The following MAP2K5 variants were observed in gnomAD, a reference collection of about 807,000 sequenced individuals.
MAP2K5 encodes the protein mitogen-activated protein kinase kinase 5.
MAP2K5 carries 49 observed loss-of-function variants against 83.1 expected under a neutral mutation model. The observed-to-expected ratio is 0.59, with a 90% CI of 0.47 to 0.75. The LOEUF (loss-of-function observed/expected upper bound fraction) is 0.75. Ranked by LOEUF, MAP2K5 falls within the 30% of genes least tolerant of loss-of-function variation. MAP2K5 has a pLI of 0.00. For missense variants in MAP2K5, 457 were observed against 557.5 expected (o/e 0.82, Z 1.82); for synonymous variants, 202 against 191.8 (o/e 1.05, Z -0.44).
chr15:67,578,311 T>C (rs1462594560), intron 3 of MAP2K5, among the ~76,000 whole-genome samples: 2 of 152,154 alleles, frequency 1.3e-5, no homozygotes, highest in Non-Finnish European at 2.9e-5. Context: ...ATTTTATCCT[T>C]ATCCCATGGG....
chr15:67,664,498 G>A, intron 12 of MAP2K5, 99 bp from the exon 13 acceptor site: 1 of 721,330 alleles, frequency 1.4e-6, no homozygotes. Context: ...GTGACACCCT[G>A]TCTCAAAAAA....
chr15:67,586,892 C>CA lies in MAP2K5; in HGVS notation c.411dup (p.Asp138ArgfsTer7). ...TCTCAACACAGCAGCCCAGCAGTCT[C>CA]AGATTCACTTCCAAGCAATAGGTGC... On this transcript the variant is annotated frameshift_variant, in exon 6 of 22. Coordinates refer to ENST00000178640, the MANE Select transcript of MAP2K5 (RefSeq NM_145160.3). LOFTEE classifies it high-confidence loss of function. 6.2e-7 allele frequency: 1 copy of CA among 1,614,148 alleles called. No individual in the cohort carries two copies. Among genetic ancestry groups the CA allele is most frequent in the South Asian group, 1.1e-5 (1 of 91,084 alleles).
intron 13 of MAP2K5, among the ~76,000 whole-genome samples, chr15:67,686,131 A>G (rs1024430689): frequency 6.6e-6 from 1 of 152,224 alleles, no homozygotes. Context: ...TAGATGGTAG[A>G]GTTGAACCCA....
At chr15:67,622,473 T>C (rs1446171692) in intron 8 of MAP2K5, among the ~76,000 whole-genome samples, 1 of 152,106 alleles carries the variant, frequency 6.6e-6, no homozygotes, top group Non-Finnish European at 1.5e-5. Flanking sequence ...GAAATGGAGA[T>C]GAGTATAATA....
chr15:67,643,245 T>C (rs1384397033), intron 9 of MAP2K5, among the ~76,000 whole-genome samples: 1 of 152,218 alleles, frequency 6.6e-6, no homozygotes, highest in Admixed American at 6.5e-5. Flanking sequence ...ATAGTAGGAA[T>C]AGCTGTAGTA....
intron 8 of MAP2K5, chr15:67,629,079 G>A: frequency 1.4e-6 from 1 of 737,752 alleles, no homozygotes; most frequent in Admixed American, 1.7e-5. Flanking sequence ...ATGAAACCAA[G>A]GTGGCCATGG....
At chr15:67,712,324 AG>A (rs1367093805) in intron 16 of MAP2K5, among the ~76,000 whole-genome samples, 2 of 152,228 alleles carry the variant, frequency 1.3e-5, no homozygotes, top group Admixed American at 6.5e-5. Flanking sequence ...TCATGCTCCC[AG>A]GAGAGCCCTT....
chr15:67,627,535 A>G (rs963956865), intron 8 of MAP2K5, among the ~76,000 whole-genome samples: 10 of 152,232 alleles, frequency 6.6e-5, no homozygotes, highest in African/African-American at 2.4e-4. Context: ...TTGGATAAGT[A>G]TATACATATG....
At chr15:67,610,465 A>G (rs1454470589) in intron 8 of MAP2K5, among the ~76,000 whole-genome samples, 1 of 152,184 alleles carries the variant, frequency 6.6e-6, no homozygotes, top group Non-Finnish European at 1.5e-5. Flanking sequence ...ATGTGTTCGA[A>G]AATCGTAGTC....
intron 8 of MAP2K5, among the ~76,000 whole-genome samples, chr15:67,625,941 G>C (rs965986039): frequency 1.3e-5 from 2 of 152,102 alleles, no homozygotes; most frequent in Non-Finnish European, 2.9e-5. Flanking sequence ...ATGTATATTA[G>C]ACTATCTGCT....
chr15:67,673,899 A>T (rs1465670843), intron 13 of MAP2K5, among the ~76,000 whole-genome samples: 2 of 152,070 alleles, frequency 1.3e-5, no homozygotes, highest in East Asian at 3.9e-4. Flanking sequence ...CCCAGGCTGG[A>T]GTGCAGTGGC....
At chr15:67,776,678 T>G (rs545037592) in intron 21 of MAP2K5, among the ~76,000 whole-genome samples, 8 of 152,208 alleles carry the variant, frequency 5.3e-5, no homozygotes, top group Non-Finnish European at 1.2e-4. Flanking sequence ...TTTCTGTGTT[T>G]AAATATTTTT....
Position 67,743,191 on chromosome 15 carries a change from C to A in MAP2K5, c.1075-5040C>A, listed in dbSNP as rs149811809. Among the ~76,000 whole-genome samples the A allele has an allele frequency of 3.8e-3, 576 of 152,340 alleles. 2 individuals are homozygous for A. Among genetic ancestry groups the A allele is most frequent in the Non-Finnish European group, 6.6e-3 (449 of 68,030 alleles). On this transcript the variant is annotated intron_variant, in intron 17 of 21. Transcript: ENST00000178640. ...GTCACTCCTGAATACAGCACCCCAG[C>A]TGGAGTCTGAGATTTGCGCCAGAGA...
chr15:67,698,595 A>G lies in MAP2K5; in HGVS notation c.973-4742A>G, dbSNP rs2088324201. ...TGGCTTACTATCATTTTAAAAATCA[A>G]ATATAAAAATTGACACTATTGCTAT... On this transcript the variant is annotated intron_variant, in intron 15 of 21. Transcript: ENST00000178640. The surrounding 1 kb of genome is among the most constrained non-coding windows in gnomAD (Gnocchi z 4.5). Among the ~76,000 whole-genome samples the G allele has an allele frequency of 6.6e-6, 1 of 152,206 alleles. No individual in the cohort carries two copies. The highest frequency in any genetic ancestry group is 2.1e-4 in the South Asian group (1 of 4,830).
chr15:67,692,649 A>G (rs2088144372), intron 14 of MAP2K5, 97 bp downstream of exon 14: 3 of 847,656 alleles, frequency 3.5e-6, no homozygotes, highest in Non-Finnish European at 5.8e-6. Flanking sequence ...TAGCTGCCAG[A>G]CAAACAGAAA....
At position 67,646,385 on chromosome 15, in the gene MAP2K5, C is replaced by T. The variant is rs1252722399; in HGVS notation, c.655-3C>T. ...AACTACTTTTGTCTTATTTTTGTTA[C>T]AGTGCGATTCATCATATATCATTGG... On this transcript the variant is annotated splice_polypyrimidine_tract_variant and splice_region_variant and intron_variant, in intron 10 of 21. Coordinates refer to ENST00000178640, the MANE Select transcript of MAP2K5 (RefSeq NM_145160.3). 1 of 1,571,062 alleles carries T rather than the reference C, an allele frequency of 6.4e-7. No individual in the cohort carries two copies. Among genetic ancestry groups the T allele is most frequent in the South Asian group, 1.1e-5 (1 of 88,624 alleles).
chr15:67,806,697 A>C lies in MAP2K5; in HGVS notation c.1294A>C (p.Met432Leu). ...TGATGGAAATGCCGCCGTGGTGTCC[A>C]TGTGGGTGTGCCGGGCGCTGGAGGA... ...FNDGNAAVVS[M>L]WVCRALEERR... Residue 432 changes from methionine (M) to leucine (L), a missense_variant, in exon 22 of 22, where the codon ATG (methionine) becomes CTG (leucine). Met to Leu is a conservative substitution (Grantham distance 15, BLOSUM62 2). Coordinates refer to ENST00000178640, the MANE Select transcript of MAP2K5 (RefSeq NM_145160.3). 2.6e-6 allele frequency: 4 copies of C among 1,551,996 alleles called. No individual in the cohort carries two copies. The highest frequency in any genetic ancestry group is 1.4e-5 in the African/African-American group (1 of 73,266).
intron 9 of MAP2K5, among the ~76,000 whole-genome samples, chr15:67,639,819 C>T (rs1263044576): frequency 2.0e-5 from 3 of 152,190 alleles, no homozygotes; most frequent in African/African-American, 2.4e-5. Flanking sequence ...CTTTGATTCA[C>T]GTATTCCTCT....
chr15:67,684,802 T>G (rs1278742546), intron 13 of MAP2K5, among the ~76,000 whole-genome samples: 1 of 152,218 alleles, frequency 6.6e-6, no homozygotes, highest in African/African-American at 2.4e-5. Context: ...GAAAAATATC[T>G]GAAATAAAAA....
Sources: gnomAD v4.1 joint callset for allele counts (sites outside exome capture counted in the v4.1 genomes callset) on GRCh38, gnomAD v4.1.1 for gene constraint, Gnocchi (gnomAD v3.1) non-coding constraint, MANE v1.5 for transcripts, NCBI Gene and HGNC (gene_info 2026-07-23, HGNC 2026-07-21) for gene names.